The following PPP1R13B variants were observed in gnomAD, a reference collection of about 807,000 sequenced individuals.
PPP1R13B encodes protein phosphatase 1 regulatory subunit 13B, also known as apoptosis-stimulating of p53 protein 1.
A neutral mutation model predicts 119.8 loss-of-function variants in PPP1R13B; 44 were observed. That is an observed-to-expected ratio of 0.37 (90% CI 0.29 to 0.47). The LOEUF is 0.47. Ranked by LOEUF, PPP1R13B falls within the 20% of genes least tolerant of loss-of-function variation. The probability of loss-of-function intolerance (pLI) is 0.99; values close to 1 mark genes in which losing one functional copy is unlikely to be tolerated. For synonymous variants in PPP1R13B, 542 were observed against 561.5 expected (o/e 0.97, Z 0.49); for missense variants, 1,227 against 1,413.5 (o/e 0.87, Z 2.12).
intron 9 of PPP1R13B, among the ~76,000 whole-genome samples, chr14:103,746,094 C>T (rs1440118203): frequency 2.6e-5 from 4 of 152,270 alleles, no homozygotes; most frequent in Non-Finnish European, 5.9e-5. Context: ...GCGTGAGCCA[C>T]TGCACCCGGC....
chr14:103,747,554 A>T (rs1424032620), intron 8 of PPP1R13B, among the ~76,000 whole-genome samples: 1 of 152,042 alleles, frequency 6.6e-6, no homozygotes, highest in Admixed American at 6.5e-5. Context: ...TTTGGGAAAC[A>T]GGTGGTGTTT....
chr14:103,756,657 C>T (rs150364474), intron 5 of PPP1R13B, among the ~76,000 whole-genome samples: 4 of 152,172 alleles, frequency 2.6e-5, no homozygotes, highest in African/African-American at 4.8e-5. Context: ...GTTTTCATCA[C>T]GGATTGCTGC....
At chr14:103,814,802 G>A (rs572093347) in intron 1 of PPP1R13B, among the ~76,000 whole-genome samples, 99 of 152,070 alleles carry the variant, frequency 6.5e-4, no homozygotes, top group African/African-American at 2.3e-3. Context: ...AAAATTAGCC[G>A]GGCATGGTGG....
In PPP1R13B at chr14:103,738,357, G is replaced by A. The variant is rs143225974; in HGVS notation, c.2864+322C>T. ...GGGATGCTGAGGCTGCTTTTCACAC[G>A]GAGCACAGAGTGTGAAGAGTCCATA... On this transcript the variant is annotated intron_variant, in intron 14 of 16. Transcript: ENST00000202556. The surrounding 1 kb of genome is among the most constrained non-coding windows in gnomAD (Gnocchi z 5.6). 8.9e-4 allele frequency: 309 copies of A among 346,898 alleles called. 6 individuals carry two copies. In the East Asian group the frequency reaches 0.018, roughly 20 times the overall value. The allele number at this position is 346,898 out of a possible 1,614,324, so 21.5% of individuals were successfully genotyped here.
chr14:103,812,127 GTTTTTT>G (rs754523884), intron 1 of PPP1R13B, among the ~76,000 whole-genome samples: 1 of 121,334 alleles, frequency 8.2e-6, no homozygotes, highest in African/African-American at 3.3e-5. Context: ...TCTGTGTGTG[GTTTTTT>G]TTTTTTTTTT....
intron 15 of PPP1R13B, 167 bp from the exon 16 acceptor site, chr14:103,736,369 G>GATAC: frequency 1.5e-6 from 1 of 671,812 alleles, no homozygotes; most frequent in Non-Finnish European, 2.5e-6. Context: ...GCCCCCACCC[G>GATAC]ATACCTCCCC....
At chr14:103,836,375 C>A (rs1375873483) in intron 1 of PPP1R13B, among the ~76,000 whole-genome samples, 1 of 152,030 alleles carries the variant, frequency 6.6e-6, no homozygotes, top group Admixed American at 6.6e-5. Flanking sequence ...TAGTAACAGA[C>A]AATGCTCTAA....
chr14:103,767,696 C>A (rs1310486327), intron 4 of PPP1R13B, among the ~76,000 whole-genome samples: 3 of 151,898 alleles, frequency 2.0e-5, no homozygotes, highest in South Asian at 2.1e-4. Context: ...CTCTCCGTGT[C>A]CCCTCTCAGT....
intron 9 of PPP1R13B, among the ~76,000 whole-genome samples, chr14:103,745,424 G>A (rs903131555): frequency 6.6e-6 from 1 of 152,250 alleles, no homozygotes; most frequent in African/African-American, 2.4e-5. Flanking sequence ...ATCAGGACAG[G>A]GATTCCTGAT....
chr14:103,747,864 T>C (rs995173784), intron 8 of PPP1R13B, among the ~76,000 whole-genome samples: 1 of 152,156 alleles, frequency 6.6e-6, no homozygotes, highest in Admixed American at 6.5e-5. Context: ...GATGACCCTC[T>C]AGAAGGTGGG....
chr14:103,747,340 C>G (rs1235027089), intron 8 of PPP1R13B: 1 of 152,034 alleles, frequency 6.6e-6, no homozygotes, highest in Non-Finnish European at 1.5e-5. Flanking sequence ...TGGGTGGAGA[C>G]GCATCTCTGC....
At chr14:103,768,205 C>G (rs902192094) in intron 4 of PPP1R13B, among the ~76,000 whole-genome samples, 6 of 151,900 alleles carry the variant, frequency 3.9e-5, no homozygotes, top group African/African-American at 1.5e-4. Context: ...ACCTCCGCCC[C>G]CCGGGGTTCA....
intron 2 of PPP1R13B, among the ~76,000 whole-genome samples, chr14:103,789,042 T>C (rs1352443397): frequency 2.6e-5 from 4 of 152,156 alleles, no homozygotes; most frequent in African/African-American, 9.7e-5. Context: ...CCTCTTTATA[T>C]GCTAATGACT....
intron 16 of PPP1R13B, 26 bp downstream of exon 16, chr14:103,735,977 T>G (rs749772299): frequency 1.2e-6 from 2 of 1,612,918 alleles, no homozygotes; most frequent in Non-Finnish European, 1.7e-6. Context: ...GCAGCTAGTT[T>G]CCCAGTAAGT....
Position 103,757,566 on chromosome 14 carries a change from A to G in PPP1R13B, c.456+84T>C, listed in dbSNP as rs141626898. On this transcript the variant is annotated intron_variant, in intron 5 of 16. Coordinates refer to ENST00000202556, the MANE Select transcript of PPP1R13B (RefSeq NM_015316.3). ...TGGTCCTATTTTATAAGCGTTACCC[A>G]AGAATATATTAACCCCAGTCTAAAA... 1.1e-4 allele frequency: 144 copies of G among 1,278,800 alleles called. No individual in the cohort carries two copies. In the East Asian group the frequency reaches 3.3e-3, roughly 29 times the overall value. 79.2% of individuals were successfully genotyped at this position (1,278,800 alleles called of 1,614,324 possible). A position where few individuals can be genotyped will look rare whatever the true frequency, so the allele number is the denominator to read the frequency against.
intron 9 of PPP1R13B, chr14:103,744,098 G>C (rs1041155234): frequency 6.6e-6 from 1 of 152,194 alleles, no homozygotes; most frequent in South Asian, 2.1e-4. Flanking sequence ...CCAAGGACAG[G>C]GCCTGTGGTC....
At chr14:103,749,098 G>C (rs1159636588) in intron 8 of PPP1R13B, among the ~76,000 whole-genome samples, 1 of 152,206 alleles carries the variant, frequency 6.6e-6, no homozygotes, top group Non-Finnish European at 1.5e-5. Context: ...TCATGTGATT[G>C]TGGACGCTGG....
At chr14:103,743,246 C>T (rs1278103427) in intron 9 of PPP1R13B, among the ~76,000 whole-genome samples, 1 of 152,244 alleles carries the variant, frequency 6.6e-6, no homozygotes, top group Non-Finnish European at 1.5e-5. Context: ...AAAGATTTAT[C>T]TTTTGACTTC....
chr14:103,816,605 T>C (rs2086286604), intron 1 of PPP1R13B, among the ~76,000 whole-genome samples: 1 of 148,952 alleles, frequency 6.7e-6, no homozygotes, highest in South Asian at 2.1e-4. Context: ...GAATCGCTTG[T>C]ACCCGGGAGG....
Sources: allele counts gnomAD v4.1 joint callset (sites outside exome capture counted in the v4.1 genomes callset), GRCh38; gene constraint gnomAD v4.1.1; non-coding constraint Gnocchi (gnomAD v3.1); transcripts MANE v1.5; gene names NCBI Gene and HGNC (gene_info 2026-07-23, HGNC 2026-07-21).